The following COL5A1 variants were observed in gnomAD, a reference collection of about 807,000 sequenced individuals.
COL5A1 encodes collagen type V alpha 1 chain.
Under a neutral mutation model 263.7 loss-of-function variants are expected in COL5A1, and 16 were observed. The observed-to-expected ratio is 0.06, with a 90% confidence interval of 0.04 to 0.09. The LOEUF (loss-of-function observed/expected upper bound fraction) is 0.09. COL5A1 is among the 10% of genes least tolerant of loss of function. The pLI is 1.00. For missense variants in COL5A1, 2,036 were observed against 2,540.5 expected, an observed-to-expected ratio of 0.80 and a Z score of 4.27; for synonymous variants, 1,012 against 1,004.5, an observed-to-expected ratio of 1.01 and a Z score of -0.14.
At position 134,727,283 on chromosome 9, in the gene COL5A1, G is replaced by T; in HGVS notation, c.672G>T (p.Leu224=). ...EEVFEGDIQQ[L]LFVSDHRAAY... The stretch of plus-strand genomic sequence containing the variant: ...TTTTCCAGGGTGACATCCAGCAGCT[G>T]CTCTTTGTCTCGGACCACCGGGCAG... Residue 224 remains leucine, a synonymous_variant, in exon 5 of 66, where the codon CTG becomes CTT. Transcript: ENST00000371817. 1 of 1,613,926 alleles carries T rather than the reference G, an allele frequency of 6.2e-7. No individual in the cohort carries two copies. Among genetic ancestry groups the T allele is most frequent in the East Asian group, 2.2e-5 (1 of 44,884 alleles).
chr9:134,711,776 C>A (rs1269337479), intron 4 of COL5A1, among the ~76,000 whole-genome samples: 1 of 152,048 alleles, frequency 6.6e-6, no homozygotes, highest in East Asian at 1.9e-4. Context: ...TCTCATGACC[C>A]CTTCTTGCAT....
intron 27 of COL5A1, among the ~76,000 whole-genome samples, chr9:134,778,688 C>T (rs1837140820): frequency 6.6e-6 from 1 of 152,214 alleles, no homozygotes; most frequent in African/African-American, 2.4e-5. Context: ...CTGTGCTGGG[C>T]GTAGAGGGAG....
chr9:134,733,163 C>T (rs138889524), intron 9 of COL5A1, among the ~76,000 whole-genome samples: 145 of 152,318 alleles, frequency 9.5e-4, no homozygotes, highest in Non-Finnish European at 1.8e-3. Flanking sequence ...CCTTGGGTCT[C>T]CCAGAAGCCC....
intron 4 of COL5A1, among the ~76,000 whole-genome samples, chr9:134,710,842 T>G (rs1325863385): frequency 2.2e-4 from 11 of 50,604 alleles, no homozygotes; most frequent in Admixed American, 9.3e-4. Flanking sequence ...TTGGGTGCAG[T>G]GGTGGGGGAG....
At chr9:134,835,295 C>A in intron 65 of COL5A1, 91 bp downstream of exon 65, 1 of 1,206,482 alleles carries the variant, frequency 8.3e-7, no homozygotes, top group Non-Finnish European at 1.2e-6. Context: ...CCCCAAGATG[C>A]CTGCCAGAGG....
At chr9:134,702,361 C>G (rs1301812710) in intron 4 of COL5A1, among the ~76,000 whole-genome samples, 1 of 152,148 alleles carries the variant, frequency 6.6e-6, no homozygotes. Context: ...CAAGTTAGGG[C>G]AGTGTCTCCT....
intron 57 of COL5A1, 36 bp downstream of exon 57, chr9:134,819,089 C>T (rs780847956): frequency 2.4e-5 from 38 of 1,605,610 alleles, no homozygotes; most frequent in Middle Eastern, 1.7e-4. Context: ...AACTGTGACT[C>T]GGGGCCTTCA....
Position 134,782,733 on chromosome 9 carries a change from G to C in COL5A1, c.2484+13G>C. The stretch of plus-strand genomic sequence containing the variant: ...CAAGGGTGATCGGGTGAGCATCTCA[G>C]GTTTGGGATTTGGGCTGGGGAAAGC... On this transcript the variant is annotated intron_variant, in intron 29 of 65. Coordinates refer to ENST00000371817, the MANE Select transcript of COL5A1 (RefSeq NM_000093.5). 6.2e-7 allele frequency: 1 copy of C among 1,613,988 alleles called. No homozygotes were observed. Among genetic ancestry groups the C allele is most frequent in the Non-Finnish European group, 8.5e-7 (1 of 1,179,908 alleles).
chr9:134,795,026 C>A, intron 32 of COL5A1, 56 bp from the exon 33 acceptor site: 3 of 1,590,626 alleles, frequency 1.9e-6, no homozygotes, highest in Non-Finnish European at 2.6e-6. Flanking sequence ...ACAGCTGCCA[C>A]CTGAGCAGGG....
chr9:134,659,556 T>C (rs940710034), intron 1 of COL5A1, among the ~76,000 whole-genome samples: 1 of 152,146 alleles, frequency 6.6e-6, no homozygotes, highest in Non-Finnish European at 1.5e-5. Context: ...ACTTTTTTTC[T>C]TTGGGGTCTT....
intron 1 of COL5A1, among the ~76,000 whole-genome samples, chr9:134,654,333 G>A (rs1439661049): frequency 2.4e-5 from 3 of 124,240 alleles, no homozygotes; most frequent in Non-Finnish European, 5.0e-5. Context: ...TGGGGTGTGT[G>A]TAGGGCTGGG....
rs3124933 is a variant in COL5A1, at chr9:134,785,410, C to T, written c.2592+314C>T. ...CAGGACCCCGTCCTTGTCACATTCC[C>T]GCCTCCACAGCTGGGTAATAACGGT... On this transcript the variant is annotated intron_variant, in intron 30 of 65. Coordinates refer to ENST00000371817, the MANE Select transcript of COL5A1 (RefSeq NM_000093.5). Among the ~76,000 whole-genome samples, 1,873 of 152,338 alleles carry T rather than the reference C, an allele frequency of 0.012. 13 individuals are homozygous for T. Among genetic ancestry groups the T allele is most frequent in the Non-Finnish European group, 0.017 (1,135 of 68,028 alleles).
At chr9:134,729,496 G>C (rs1467046439) in intron 6 of COL5A1, among the ~76,000 whole-genome samples, 1 of 152,106 alleles carries the variant, frequency 6.6e-6, no homozygotes, top group African/African-American at 2.4e-5. Flanking sequence ...GGGTGTGCTT[G>C]AGCCTGCGTG....
At position 134,750,587 on chromosome 9, in the gene COL5A1, G is replaced by A. The variant is rs878853652; in HGVS notation, c.1540G>A (p.Gly514Ser). ...PGLPGADGLPGPPGTMLMLPF... is the reference protein window; with the variant it reads ...PGLPGADGLPSPPGTMLMLPF... ...CCTTCCTGGGGCCGATGGCCTGCCCGGTCCTCCAGGAACCATGCTCATGCT... is the reference window on the plus strand; with the variant it reads ...CCTTCCTGGGGCCGATGGCCTGCCCAGTCCTCCAGGAACCATGCTCATGCT... The change falls in exon 12 of 66, where the codon GGT (glycine) becomes AGT (serine). Residue 514 changes from glycine to serine, a missense_variant. This residue lies in a region of COL5A1 where 1,078 missense variants were observed against 1,521.4 expected (regional missense o/e 0.71). Transcript: ENST00000371817. The A allele has an allele frequency of 1.9e-6, 3 of 1,613,406 alleles. No individual in the cohort carries two copies. Among genetic ancestry groups the A allele is most frequent in the Non-Finnish European group, 1.7e-6 (2 of 1,180,046 alleles).
chr9:134,751,396 T>G (rs1835776034), intron 13 of COL5A1, among the ~76,000 whole-genome samples: 1 of 152,244 alleles, frequency 6.6e-6, no homozygotes, highest in Non-Finnish European at 1.5e-5. Context: ...GCCTCTGTGC[T>G]AGGCCCTCTG....
chr9:134,843,444 G>C lies in COL5A1; in HGVS notation c.*1141G>C, dbSNP rs1038399751. On this transcript the variant is annotated 3_prime_UTR_variant, in exon 66 of 66. Coordinates refer to ENST00000371817, the MANE Select transcript of COL5A1 (RefSeq NM_000093.5). ...GCACTGGGGACCCTGGCCATGCCTC[G>C]TTCTCCCTGCTTTCTTTATCCTGTT... 1 of 152,604 alleles carries C rather than the reference G, an allele frequency of 6.6e-6. No homozygotes were observed. Among genetic ancestry groups the C allele is most frequent in the Non-Finnish European group, 1.5e-5 (1 of 68,066 alleles). 9.5% of individuals were successfully genotyped at this position (152,604 alleles called of 1,614,324 possible).
At chr9:134,738,687 C>T in intron 10 of COL5A1, 59 bp from the exon 11 acceptor site, 4 of 1,424,818 alleles carry the variant, frequency 2.8e-6, no homozygotes, top group Non-Finnish European at 4.0e-6. Context: ...CCAGTTGGAA[C>T]TTGGACCTTG....
intron 26 of COL5A1, among the ~76,000 whole-genome samples, chr9:134,773,337 A>G (rs1213971019): frequency 1.3e-5 from 2 of 151,710 alleles, no homozygotes; most frequent in African/African-American, 4.8e-5. Context: ...CAGCACGTCC[A>G]CCAGCGCCTT....
Position 134,831,177 on chromosome 9 carries a change from A to G in COL5A1, c.5136+1133A>G, listed in dbSNP as rs1269339801. Among the ~76,000 whole-genome samples, 3 of 152,190 alleles carry G rather than the reference A, an allele frequency of 2.0e-5. No individual in the cohort carries two copies. The East Asian group carries it at 5.8e-4, about 29-fold the overall frequency. ...CAGCCTCCCTGGGTGGACACAGAGC[A>G]CTGGCCCTGAGCCGCCTTTGCCCTG... On this transcript the variant is annotated intron_variant, in intron 64 of 65. Coordinates refer to ENST00000371817, the MANE Select transcript of COL5A1 (RefSeq NM_000093.5).
Sources: allele counts gnomAD v4.1 joint callset (sites outside exome capture counted in the v4.1 genomes callset), GRCh38; gene constraint gnomAD v4.1.1; regional missense constraint gnomAD v4.1.1; transcripts MANE v1.5; gene names NCBI Gene and HGNC (gene_info 2026-07-23, HGNC 2026-07-21).